The following ASB2 variants were observed in gnomAD, a reference collection of about 807,000 sequenced individuals.
ASB2 encodes ankyrin repeat and SOCS box protein 2.
Under a neutral mutation model 62.4 loss-of-function variants are expected in ASB2, and 58 were observed. The observed-to-expected ratio is 0.93, with a 90% CI of 0.75 to 1.16. The LOEUF (loss-of-function observed/expected upper bound fraction) is 1.16. ASB2 is among the 50% of genes most tolerant of loss of function. The probability of loss-of-function intolerance (pLI) is 0.00; values close to 1 mark genes in which losing one functional copy is unlikely to be tolerated. For synonymous variants in ASB2, 386 were observed against 385.3 expected, an observed-to-expected ratio of 1.00 and a Z score of -0.02; for missense variants, 928 against 887.9, an observed-to-expected ratio of 1.05 and a Z score of -0.57.
intron 6 of ASB2, among the ~76,000 whole-genome samples, chr14:93,948,017 A>AAAAAT (rs1270379525): frequency 6.6e-6 from 1 of 150,742 alleles, no homozygotes; most frequent in South Asian, 2.1e-4. Context: ...AAAAAAAAAA[A>AAAAAT]AGACCCAGGG....
At chr14:93,961,617 T>A (rs541547981) in intron 2 of ASB2, among the ~76,000 whole-genome samples, 2 of 152,178 alleles carry the variant, frequency 1.3e-5, no homozygotes, top group Non-Finnish European at 2.9e-5. Flanking sequence ...ATCTCAGACC[T>A]GAAGATGAGA....
At chr14:93,954,267 TC>T in intron 4 of ASB2, 49 bp downstream of exon 4, 1 of 1,490,296 alleles carries the variant, frequency 6.7e-7, no homozygotes. Flanking sequence ...CGGCAGCCCT[TC>T]CCCTAGTCCC....
At chr14:93,941,799 T>A in intron 7 of ASB2, 1 of 416,496 alleles carries the variant, frequency 2.4e-6, no homozygotes, top group Admixed American at 2.7e-5. Flanking sequence ...GTGGCAGAAA[T>A]GTGGGAACTT....
intron 7 of ASB2, among the ~76,000 whole-genome samples, chr14:93,945,131 G>A (rs1382513659): frequency 6.6e-6 from 1 of 152,204 alleles, no homozygotes; most frequent in Admixed American, 6.5e-5. Context: ...CTGATTCACC[G>A]GATCTGATAT....
chr14:93,945,038 C>G lies in ASB2; in HGVS notation c.1052+2311G>C, dbSNP rs150024964. Among the ~76,000 whole-genome samples, 425 of 152,364 alleles carry G rather than the reference C, an allele frequency of 2.8e-3. 2 individuals carry two copies. The highest frequency in any genetic ancestry group is 9.1e-3 in the African/African-American group (377 of 41,578). On this transcript the variant is annotated intron_variant, in intron 7 of 9. Transcript: ENST00000555019. ...CCAGGGCCTGAATTAGATCAATGGT[C>G]CCTGCAGCTATAGACAGGCTGTATC...
chr14:93,972,587 G>A (rs184292531), intron 1 of ASB2, among the ~76,000 whole-genome samples: 156 of 152,308 alleles, frequency 1.0e-3, no homozygotes, highest in African/African-American at 3.0e-3. Flanking sequence ...GTCAGCCTGC[G>A]CCGTCTTCAT....
intron 2 of ASB2, among the ~76,000 whole-genome samples, chr14:93,958,436 C>G (rs765947372): frequency 2.6e-5 from 4 of 152,220 alleles, no homozygotes; most frequent in Non-Finnish European, 5.9e-5. Flanking sequence ...GGCCTGGCCT[C>G]TTCCTGCCTT....
chr14:93,972,836 C>G (rs1376710486), intron 1 of ASB2, among the ~76,000 whole-genome samples: 5 of 152,236 alleles, frequency 3.3e-5, no homozygotes, highest in Admixed American at 2.0e-4. Flanking sequence ...GCCCTGGGGC[C>G]TGGTGTCTAG....
At chr14:93,936,701 T>C (rs1371299148) in intron 9 of ASB2, among the ~76,000 whole-genome samples, 1 of 152,076 alleles carries the variant, frequency 6.6e-6, no homozygotes, top group African/African-American at 2.4e-5. Context: ...TGAGTCAGAG[T>C]TGGGGCACAG....
At chr14:93,948,569 C>A (rs1012727080) in intron 6 of ASB2, among the ~76,000 whole-genome samples, 1 of 152,254 alleles carries the variant, frequency 6.6e-6, no homozygotes, top group Non-Finnish European at 1.5e-5. Flanking sequence ...GTATTCCCTG[C>A]ATGCTTGCTA....
intron 6 of ASB2, among the ~76,000 whole-genome samples, chr14:93,949,654 C>T (rs1888876850): frequency 6.6e-6 from 1 of 152,092 alleles, no homozygotes; most frequent in Non-Finnish European, 1.5e-5. Flanking sequence ...AGCAAAGCCG[C>T]CTGCTTGCAC....
intron 7 of ASB2, 133 bp from the exon 8 acceptor site, chr14:93,939,805 C>A: frequency 1.5e-6 from 1 of 687,862 alleles, no homozygotes. Context: ...ACGCGGATCC[C>A]ACCGGCAGGG....
chr14:93,944,253 A>G, intron 7 of ASB2: 1 of 218,188 alleles, frequency 4.6e-6, no homozygotes, highest in Non-Finnish European at 9.5e-6. Flanking sequence ...ACAGTTTCTT[A>G]ATACGTCTAT....
At chr14:93,957,279 G>A (rs1047331380) in intron 2 of ASB2, 38 of 1,131,452 alleles carry the variant, frequency 3.4e-5, no homozygotes, top group Middle Eastern at 3.8e-4. Context: ...AGATCCCTGC[G>A]GGGCTGGATG....
At position 93,971,914 on chromosome 14, in the gene ASB2, A is replaced by G. The variant is rs1791427963; in HGVS notation, c.-74+4520T>C. ...AACTGAAGACTATGTGTGTGTGTGTATGTGTGTTCATATTCAAAAACACTA... is the reference window on the plus strand; with the variant it reads ...AACTGAAGACTATGTGTGTGTGTGTGTGTGTGTTCATATTCAAAAACACTA... On this transcript the variant is annotated intron_variant, in intron 1 of 9. Coordinates refer to ENST00000555019, the MANE Select transcript of ASB2 (RefSeq NM_001202429.2). Among the ~76,000 whole-genome samples, 3 of 151,624 alleles carry G rather than the reference A, an allele frequency of 2.0e-5. No individual in the cohort carries two copies. The South Asian group carries it at 6.2e-4, about 32-fold the overall frequency.
chr14:93,962,383 T>C (rs1403356978), intron 2 of ASB2, among the ~76,000 whole-genome samples: 1 of 152,204 alleles, frequency 6.6e-6, no homozygotes, highest in Non-Finnish European at 1.5e-5. Context: ...TAAGGGGTTT[T>C]TCTTCCCAGC....
chr14:93,955,816 G>T (rs564902931), intron 3 of ASB2, among the ~76,000 whole-genome samples: 1 of 152,300 alleles, frequency 6.6e-6, no homozygotes, highest in African/African-American at 2.4e-5. Context: ...TAGTAAGCTG[G>T]ACGGGACCCT....
In ASB2 at chr14:93,954,446, C is replaced by T. The variant is rs917670269; in HGVS notation, c.349G>A (p.Asp117Asn). The T allele has an allele frequency of 1.5e-5, 24 of 1,614,084 alleles. No homozygotes were observed. Among genetic ancestry groups the T allele is most frequent in the African/African-American group, 1.1e-4 (8 of 74,934 alleles). The change falls in exon 4 of 10, where the codon GAT becomes AAT. Residue 117 changes from aspartate to asparagine, a missense_variant. Asp to Asn is a conservative substitution (Grantham distance 23). Transcript: ENST00000555019. ...DPLIKAIKDG[D>N]EEALKTMIKE... is the part of the protein sequence containing the mutation. The stretch of plus-strand genomic sequence containing the variant: ...ATCATGGTCTTCAAGGCCTCTTCAT[C>T]GCCATCCTTGATGGCCTTTATCAAG...
At chr14:93,967,007 C>T (rs902663526) in intron 1 of ASB2, among the ~76,000 whole-genome samples, 3 of 152,170 alleles carry the variant, frequency 2.0e-5, no homozygotes, top group African/African-American at 7.2e-5. Context: ...GCAGTAGCAG[C>T]AGTTTTATTT....
Sources: gnomAD v4.1 joint callset for allele counts (sites outside exome capture counted in the v4.1 genomes callset) on GRCh38, gnomAD v4.1.1 for gene constraint, MANE v1.5 for transcripts, NCBI Gene and HGNC (gene_info 2026-07-23, HGNC 2026-07-21) for gene names.